The following NOL4 variants were observed in gnomAD, a reference collection of about 807,000 sequenced individuals.
NOL4 encodes nucleolar protein 4, also known as cancer/testis antigen 125.
In NOL4, 17 loss-of-function variants were observed where a neutral mutation model predicts 75.9. That is an observed-to-expected ratio of 0.22 (90% CI 0.15 to 0.34). The LOEUF is 0.34. Among genes scored for constraint, NOL4 ranks in the 10% least tolerant of loss-of-function variants. The pLI, the probability that NOL4 is intolerant of heterozygous loss-of-function variation, is 1.00. For synonymous variants in NOL4, 292 were observed against 289.9 expected, an observed-to-expected ratio of 1.01 and a Z score of -0.07; for missense variants, 614 against 793.5, an observed-to-expected ratio of 0.77 and a Z score of 2.72.
chr18:34,208,064 T>C (rs952115489), intron 1 of NOL4, among the ~76,000 whole-genome samples: 1 of 152,178 alleles, frequency 6.6e-6, no homozygotes, highest in African/African-American at 2.4e-5. Flanking sequence ...AAATTTGTAC[T>C]GTCTGCTTTC....
intron 9 of NOL4, among the ~76,000 whole-genome samples, chr18:33,895,395 T>C (rs1291969409): frequency 6.6e-6 from 1 of 152,084 alleles, no homozygotes. Flanking sequence ...ATTTAGTTAT[T>C]AACCAAAAAA....
intron 5 of NOL4, among the ~76,000 whole-genome samples, chr18:34,020,123 C>A (rs2072540687): frequency 6.6e-6 from 1 of 151,902 alleles, no homozygotes; most frequent in South Asian, 2.1e-4. Context: ...GGGCTGTAAC[C>A]CAAATAATCC....
intron 9 of NOL4, 134 bp from the exon 10 acceptor site, chr18:33,883,558 A>G: frequency 1.8e-6 from 1 of 560,776 alleles, no homozygotes; most frequent in Non-Finnish European, 2.7e-6. Context: ...GTAAGCACAG[A>G]TGCACATTTT....
intron 1 of NOL4, among the ~76,000 whole-genome samples, chr18:34,170,113 C>T (rs1223241913): frequency 6.6e-6 from 1 of 151,696 alleles, no homozygotes; most frequent in African/African-American, 2.4e-5. Flanking sequence ...TAGTCAGTAG[C>T]AACATGTGGG....
chr18:33,897,600 G>A (rs1222115792), intron 9 of NOL4, among the ~76,000 whole-genome samples: 1 of 151,880 alleles, frequency 6.6e-6, no homozygotes, highest in African/African-American at 2.4e-5. Context: ...ACAGACACTG[G>A]GTTCTACTTG....
chr18:34,186,456 T>G (rs2034467872), intron 1 of NOL4, among the ~76,000 whole-genome samples: 1 of 152,204 alleles, frequency 6.6e-6, no homozygotes, highest in Non-Finnish European at 1.5e-5. Context: ...TAAGCCTCCT[T>G]CCTTATATGT....
At chr18:33,949,584 C>T (rs937288909) in intron 8 of NOL4, among the ~76,000 whole-genome samples, 1 of 152,054 alleles carries the variant, frequency 6.6e-6, no homozygotes, top group African/African-American at 2.4e-5. Context: ...AGGAGAGCAG[C>T]AAACCCCTGA....
At chr18:34,134,948 C>T (rs2080830965) in intron 1 of NOL4, among the ~76,000 whole-genome samples, 1 of 151,974 alleles carries the variant, frequency 6.6e-6, no homozygotes, top group Admixed American at 6.6e-5. Flanking sequence ...GTGCTAAATG[C>T]CTGTATTAAA....
At chr18:34,139,299 T>C (rs1455203313) in intron 1 of NOL4, among the ~76,000 whole-genome samples, 7 of 152,202 alleles carry the variant, frequency 4.6e-5, no homozygotes, top group Admixed American at 4.6e-4. Context: ...TGTGAATCTG[T>C]CTGGTCCTGG....
chr18:33,922,467 A>G (rs1045634441), intron 9 of NOL4, among the ~76,000 whole-genome samples: 3 of 152,184 alleles, frequency 2.0e-5, no homozygotes, highest in African/African-American at 4.8e-5. Flanking sequence ...TTTAGGAAAA[A>G]TGTTAACCAG....
chr18:34,027,813 G>GA (rs1273664262), intron 5 of NOL4, among the ~76,000 whole-genome samples: 1 of 152,084 alleles, frequency 6.6e-6, no homozygotes, highest in Non-Finnish European at 1.5e-5. Flanking sequence ...TGTTTTTGTG[G>GA]ATATTTTATT....
Position 33,852,128 on chromosome 18 carries a change from C to A in NOL4, c.*714G>T, listed in dbSNP as rs926689296. On this transcript the variant is annotated 3_prime_UTR_variant, in exon 11 of 11. Transcript: ENST00000261592. ...AGCATGAGAGCAGAAATGCAGGCTT[C>A]TCTTGGAAGTAGTTCCTGATGTGAC... 6.6e-6 allele frequency: 1 copy of A among 152,532 alleles called. No homozygotes were observed. Among genetic ancestry groups the A allele is most frequent in the African/African-American group, 2.4e-5 (1 of 41,518 alleles). 9.4% of individuals were successfully genotyped at this position (152,532 alleles called of 1,614,324 possible).
intron 6 of NOL4, among the ~76,000 whole-genome samples, chr18:33,974,352 C>T (rs1275239909): frequency 1.3e-5 from 2 of 152,058 alleles, no homozygotes. Flanking sequence ...ATGTTCTATC[C>T]AGACTATTAA....
chr18:34,019,625 T>A, intron 5 of NOL4, 24 bp from the exon 6 acceptor site: 1 of 1,598,334 alleles, frequency 6.3e-7, no homozygotes, highest in Non-Finnish European at 8.5e-7. Context: ...AAAGTTATAT[T>A]TTGATTTTAA....
chr18:33,870,413 T>G (rs139529812), intron 10 of NOL4, among the ~76,000 whole-genome samples: 1 of 152,070 alleles, frequency 6.6e-6, no homozygotes, highest in Non-Finnish European at 1.5e-5. Context: ...GAGGAGTAAG[T>G]TCAAGAAATC....
chr18:34,126,185 C>T (rs1376937556), intron 2 of NOL4, among the ~76,000 whole-genome samples: 1 of 152,130 alleles, frequency 6.6e-6, no homozygotes, highest in East Asian at 1.9e-4. Context: ...ATATGCCGAG[C>T]ACTTTGCACA....
intron 2 of NOL4, among the ~76,000 whole-genome samples, chr18:34,119,384 C>A (rs1379139918): frequency 4.6e-5 from 7 of 152,142 alleles, no homozygotes; most frequent in Non-Finnish European, 5.9e-5. Flanking sequence ...GTGGAGGATT[C>A]TTATGTTTTC....
At chr18:33,908,979 A>G (rs1046995375) in intron 9 of NOL4, among the ~76,000 whole-genome samples, 34 of 152,154 alleles carry the variant, frequency 2.2e-4, no homozygotes, top group Middle Eastern at 3.2e-3. Context: ...AGCGCATACA[A>G]TAGGAAGACA....
chr18:34,096,274 C>T (rs984327638), intron 4 of NOL4, among the ~76,000 whole-genome samples: 1 of 151,926 alleles, frequency 6.6e-6, no homozygotes, highest in Admixed American at 6.6e-5. Context: ...ATATTTTCCT[C>T]CACTACTACA....
Sources: gnomAD v4.1 joint callset for allele counts (sites outside exome capture counted in the v4.1 genomes callset) on GRCh38, gnomAD v4.1.1 for gene constraint, MANE v1.5 for transcripts, NCBI Gene and HGNC (gene_info 2026-07-23, HGNC 2026-07-21) for gene names.